The following PCDHGB2 variants were observed in gnomAD, a reference collection of about 807,000 sequenced individuals.
The protein encoded by PCDHGB2 is protocadherin gamma-B2.
In PCDHGB2, 55 loss-of-function variants were observed where a neutral mutation model predicts 59.3. The observed-to-expected ratio is 0.93, with a 90% CI of 0.75 to 1.16. The LOEUF (loss-of-function observed/expected upper bound fraction) is 1.16, where lower values mean the gene tolerates loss of function less well. Ranked by LOEUF, PCDHGB2 falls within the 50% of genes most tolerant of loss-of-function variation. PCDHGB2 has a pLI of 0.00. For missense variants in PCDHGB2, 1,228 were observed against 1,198.5 expected (o/e 1.02, Z -0.36); for synonymous variants, 516 against 512.0 (o/e 1.01, Z -0.11).
intron 1 of PCDHGB2, among the ~76,000 whole-genome samples, chr5:141,406,564 C>T (rs1475993893): frequency 6.6e-6 from 1 of 152,164 alleles, no homozygotes; most frequent in African/African-American, 2.4e-5. Flanking sequence ...CACTTCCAAA[C>T]CCTAGTAAAC....
At chr5:141,452,966 G>T (rs996204633) in intron 1 of PCDHGB2, among the ~76,000 whole-genome samples, 6 of 152,098 alleles carry the variant, frequency 3.9e-5, no homozygotes, top group Admixed American at 1.3e-4. Context: ...TAAACTGAGG[G>T]TATATTGTCA....
intron 1 of PCDHGB2, chr5:141,370,456 T>C (rs889377616): frequency 6.2e-7 from 1 of 1,611,944 alleles, no homozygotes; most frequent in African/African-American, 1.3e-5. Context: ...TTTCTCTTCC[T>C]GCTCTCTTTG....
chr5:141,374,476 C>A, intron 1 of PCDHGB2: 3 of 1,612,124 alleles, frequency 1.9e-6, no homozygotes, highest in Non-Finnish European at 1.7e-6. Context: ...ACAATACACC[C>A]CGATTCTTAA....
Position 141,361,675 on chromosome 5 carries a change from G to T in PCDHGB2, c.1540G>T (p.Val514Leu). The T allele has an allele frequency of 6.2e-7, 1 of 1,613,636 alleles. No homozygotes were observed. The highest frequency in any genetic ancestry group is 8.5e-7 in the Non-Finnish European group (1 of 1,179,904). The change falls in exon 1 of 4, where the codon GTG becomes TTG. Residue 514 changes from valine to leucine, a missense_variant. Around this residue, in one of 3 missense-constraint regions of PCDHGB2, gnomAD observed 781 missense variants for 721.6 expected, o/e 1.08. Coordinates refer to ENST00000522605, the MANE Select transcript of PCDHGB2 (RefSeq NM_018923.3). ...GTCCGTGAGCGCGCAGAGCGGGGTG[G>T]TGTTCGCGCAGCGCGCCTTCGATCA... is the stretch of plus-strand genomic sequence containing the variant. ...YVSVSAQSGV[V>L]FAQRAFDHEQ...
intron 1 of PCDHGB2, among the ~76,000 whole-genome samples, chr5:141,463,783 C>T (rs1395035313): frequency 1.3e-5 from 2 of 152,138 alleles, no homozygotes; most frequent in African/African-American, 4.8e-5. Flanking sequence ...CCTGCACTGT[C>T]TTTTGAACAA....
chr5:141,451,528 G>C (rs1451101169), intron 1 of PCDHGB2, among the ~76,000 whole-genome samples: 8 of 152,210 alleles, frequency 5.3e-5, no homozygotes. Flanking sequence ...AAGTAAAGGA[G>C]AGTGCCAGAG....
chr5:141,409,541 G>C lies in PCDHGB2; in HGVS notation c.2421+46985G>C, dbSNP rs1485327824. ...CACCTTGTATGTCGCTGACATCAAC[G>C]ACAACGCCCCAGTTTTCGACCAGAC... On this transcript the variant is annotated intron_variant, in intron 1 of 3. Coordinates refer to ENST00000522605, the MANE Select transcript of PCDHGB2 (RefSeq NM_018923.3). 16 of 1,613,852 alleles carry C rather than the reference G, an allele frequency of 9.9e-6. No homozygotes were observed. Among genetic ancestry groups the C allele is most frequent in the Admixed American group, 1.7e-5 (1 of 60,016 alleles).
intron 1 of PCDHGB2, among the ~76,000 whole-genome samples, chr5:141,471,035 G>A (rs2099247157): frequency 7.1e-6 from 1 of 141,386 alleles, no homozygotes; most frequent in Admixed American, 7.1e-5. Flanking sequence ...TTATTAACAA[G>A]CCCAAGCCCT....
At chr5:141,371,536 A>G (rs1767830265) in intron 1 of PCDHGB2, 4 of 1,613,810 alleles carry the variant, frequency 2.5e-6, no homozygotes, top group Non-Finnish European at 3.4e-6. Flanking sequence ...TTTAATGGAG[A>G]AATCCTATGC....
At chr5:141,471,786 A>G (rs1043196530) in intron 1 of PCDHGB2, among the ~76,000 whole-genome samples, 6 of 152,244 alleles carry the variant, frequency 3.9e-5, no homozygotes, top group African/African-American at 1.4e-4. Flanking sequence ...ACATTATGCT[A>G]TGTCATATAA....
intron 1 of PCDHGB2, chr5:141,419,815 A>T: frequency 6.2e-7 from 1 of 1,613,988 alleles, no homozygotes. Context: ...GAGGACAGCC[A>T]CCCCTTTCAG....
chr5:141,431,225 C>A lies in PCDHGB2; in HGVS notation c.2422-63582C>A. On this transcript the variant is annotated intron_variant, in intron 1 of 3. Coordinates refer to ENST00000522605, the MANE Select transcript of PCDHGB2 (RefSeq NM_018923.3). The surrounding 1 kb of genome is among the most constrained non-coding windows in gnomAD (Gnocchi z 4.8). ...CACTGAGATGCGGTTCCCTCTACCC[C>A]ACGCCTGGGATCCGGATATCGGGAA... The A allele has an allele frequency of 1.2e-6, 2 of 1,614,118 alleles. No individual in the cohort carries two copies. The highest frequency in any genetic ancestry group is 1.7e-6 in the Non-Finnish European group (2 of 1,180,036).
intron 1 of PCDHGB2, chr5:141,404,997 C>T: frequency 6.2e-7 from 1 of 1,614,034 alleles, no homozygotes; most frequent in East Asian, 2.2e-5. Flanking sequence ...CAGATCCCTG[C>T]AGACCTGGAG....
chr5:141,421,513 C>G lies in PCDHGB2; in HGVS notation c.2421+58957C>G, dbSNP rs368199651. ...GGCAGGCAGGATAGACCGGGAGGAG[C>G]TCTGTGAGACGGTGTCCTCCTGTTT... On this transcript the variant is annotated intron_variant, in intron 1 of 3. Coordinates refer to ENST00000522605, the MANE Select transcript of PCDHGB2 (RefSeq NM_018923.3). 61 of 1,614,078 alleles carry G rather than the reference C, an allele frequency of 3.8e-5. No individual in the cohort carries two copies. The African/African-American group carries it at 7.5e-4, about 20-fold the overall frequency.
intron 1 of PCDHGB2, among the ~76,000 whole-genome samples, chr5:141,437,629 G>A (rs538730617): frequency 6.6e-6 from 1 of 152,284 alleles, no homozygotes; most frequent in Non-Finnish European, 1.5e-5. Flanking sequence ...CATATAAGAT[G>A]TCAGGTTCAG....
At chr5:141,403,196 G>A (rs762413220) in intron 1 of PCDHGB2, 6 of 1,613,986 alleles carry the variant, frequency 3.7e-6, no homozygotes, top group East Asian at 4.5e-5. Flanking sequence ...CCCGCGCAGC[G>A]GCACCTTGGT....
intron 1 of PCDHGB2, among the ~76,000 whole-genome samples, chr5:141,381,121 T>C (rs1490532443): frequency 6.6e-6 from 1 of 152,260 alleles, no homozygotes; most frequent in East Asian, 1.9e-4. Context: ...TTCCCTGTAT[T>C]CTGGAGCAAT....
chr5:141,427,694 A>T (rs758628764), intron 1 of PCDHGB2: 2 of 913,932 alleles, frequency 2.2e-6, no homozygotes, highest in Non-Finnish European at 3.5e-6. Context: ...CCTCCATCCC[A>T]CAAGTCAGCG....
chr5:141,399,649 G>A (rs1325160100), intron 1 of PCDHGB2: 2 of 1,613,794 alleles, frequency 1.2e-6, no homozygotes, highest in East Asian at 2.2e-5. Flanking sequence ...CGCGCAAAGT[G>A]GGGTGGTGTT....
Sources: allele counts gnomAD v4.1 joint callset (sites outside exome capture counted in the v4.1 genomes callset), GRCh38; gene constraint gnomAD v4.1.1; regional missense constraint gnomAD v4.1.1; non-coding constraint Gnocchi (gnomAD v3.1); transcripts MANE v1.5; gene names NCBI Gene and HGNC (gene_info 2026-07-23, HGNC 2026-07-21).